Variants in THSD4 observed in about 807,000 individuals in gnomAD.
THSD4 encodes the protein thrombospondin type-1 domain-containing protein 4.
THSD4 carries 69 observed loss-of-function variants against 119.0 expected under a neutral mutation model. The observed-to-expected ratio is 0.58, with a 90% CI of 0.48 to 0.71. The LOEUF (loss-of-function observed/expected upper bound fraction) is 0.71, where lower values mean the gene tolerates loss of function less well. Among genes scored for constraint, THSD4 ranks in the 30% least tolerant of loss-of-function variants. THSD4 has a pLI of 0.00. For missense variants in THSD4, 1,393 were observed against 1,391.1 expected (o/e 1.00, Z -0.02); for synonymous variants, 524 against 540.4 (o/e 0.97, Z 0.42).
At chr15:71,543,945 T>C (rs1016637454) in intron 7 of THSD4, among the ~76,000 whole-genome samples, 2 of 152,170 alleles carry the variant, frequency 1.3e-5, no homozygotes, top group Non-Finnish European at 2.9e-5. Context: ...GGAGAATTGT[T>C]TGAACACAGG....
At chr15:71,188,169 A>G (rs976122976) in intron 3 of THSD4, among the ~76,000 whole-genome samples, 1 of 152,156 alleles carries the variant, frequency 6.6e-6, no homozygotes, top group Non-Finnish European at 1.5e-5. Context: ...TTGGAGGTAG[A>G]GGAGTTAGGT....
chr15:71,233,466 A>AT (rs1181093222), intron 4 of THSD4, among the ~76,000 whole-genome samples: 1 of 152,026 alleles, frequency 6.6e-6, no homozygotes, highest in Non-Finnish European at 1.5e-5. Flanking sequence ...TACTGTATAC[A>AT]TTTTTTCTTT....
chr15:71,454,077 C>G (rs2047303743), intron 7 of THSD4, among the ~76,000 whole-genome samples: 1 of 152,130 alleles, frequency 6.6e-6, no homozygotes. Flanking sequence ...GTCAACATGG[C>G]AAAACCCAAC....
chr15:71,482,896 A>G (rs2047755035), intron 7 of THSD4, among the ~76,000 whole-genome samples: 1 of 152,136 alleles, frequency 6.6e-6, no homozygotes, highest in East Asian at 1.9e-4. Context: ...CTGTACTGTA[A>G]CTTTTAATAG....
chr15:71,518,334 G>T (rs1050289299), intron 7 of THSD4, among the ~76,000 whole-genome samples: 7 of 151,890 alleles, frequency 4.6e-5, no homozygotes, highest in African/African-American at 1.7e-4. Flanking sequence ...GTTAAATATG[G>T]GATCCACTAT....
At chr15:71,536,865 T>C (rs1285127202) in intron 7 of THSD4, among the ~76,000 whole-genome samples, 2 of 151,934 alleles carry the variant, frequency 1.3e-5, no homozygotes, top group East Asian at 3.9e-4. Flanking sequence ...CCACTTATCC[T>C]GGCACCATTT....
At chr15:71,361,126 G>T (rs1429296208) in intron 6 of THSD4, among the ~76,000 whole-genome samples, 1 of 152,210 alleles carries the variant, frequency 6.6e-6, no homozygotes, top group Non-Finnish European at 1.5e-5. Flanking sequence ...GTAGAGCATG[G>T]AGGGCCCTGG....
chr15:71,746,770 C>A, intron 12 of THSD4, 68 bp from the exon 13 acceptor site: 3 of 1,499,110 alleles, frequency 2.0e-6, no homozygotes, highest in South Asian at 2.3e-5. Flanking sequence ...TACGCTGCTG[C>A]GGGCTCACGC....
chr15:71,675,574 C>A (rs1403438299), intron 8 of THSD4, among the ~76,000 whole-genome samples: 8 of 152,158 alleles, frequency 5.3e-5, no homozygotes, highest in Admixed American at 2.0e-4. Context: ...GCTCAGACAT[C>A]TTAGCCCCTC....
At chr15:71,716,561 G>GGTGTGT (rs57999390) in intron 8 of THSD4, among the ~76,000 whole-genome samples, 16 of 144,616 alleles carry the variant, frequency 1.1e-4, no homozygotes, top group South Asian at 2.2e-4. Flanking sequence ...TAGAGTGTGG[G>GGTGTGT]GTGTGTGTGT....
intron 3 of THSD4, among the ~76,000 whole-genome samples, chr15:71,193,867 C>T (rs146962446): frequency 3.3e-4 from 50 of 152,266 alleles, no homozygotes; most frequent in East Asian, 1.4e-3. Flanking sequence ...CCCGCCGCCA[C>T]GCCCAGCTAA....
intron 7 of THSD4, among the ~76,000 whole-genome samples, chr15:71,576,201 A>T (rs1396178539): frequency 6.6e-6 from 1 of 152,210 alleles, no homozygotes; most frequent in African/African-American, 2.4e-5. Context: ...TATAAAATCC[A>T]ATATTCTGAA....
chr15:71,137,831 T>C (rs2040565367), intron 1 of THSD4, among the ~76,000 whole-genome samples: 1 of 152,184 alleles, frequency 6.6e-6, no homozygotes, highest in Non-Finnish European at 1.5e-5. Context: ...TTGTAACAAT[T>C]TTTACATCAG....
chr15:71,299,970 A>ATATATAT (rs1183840842), intron 6 of THSD4, among the ~76,000 whole-genome samples: 1 of 76,044 alleles, frequency 1.3e-5, no homozygotes, highest in Non-Finnish European at 2.6e-5. Flanking sequence ...CAAAAAAAAA[A>ATATATAT]AAAAAAATAT....
intron 3 of THSD4, among the ~76,000 whole-genome samples, chr15:71,180,152 AC>A (rs1473212174): frequency 1.5e-4 from 9 of 61,146 alleles, no homozygotes; most frequent in South Asian, 1.1e-3. Context: ...TAAAAAAAAA[AC>A]ATTAAAAAAA....
chr15:71,351,243 T>C (rs2045740344), intron 6 of THSD4, among the ~76,000 whole-genome samples: 1 of 152,168 alleles, frequency 6.6e-6, no homozygotes, highest in Non-Finnish European at 1.5e-5. Context: ...TGCAAGCCTG[T>C]CTTTTATACA....
chr15:71,677,982 C>G (rs554110164), intron 8 of THSD4, among the ~76,000 whole-genome samples: 2 of 152,280 alleles, frequency 1.3e-5, no homozygotes, highest in East Asian at 3.9e-4. Context: ...ACATTGTCTC[C>G]TAGCCCACTC....
At chr15:71,641,007 ACAC>A (rs1228856323) in intron 7 of THSD4, among the ~76,000 whole-genome samples, 1 of 151,844 alleles carries the variant, frequency 6.6e-6, no homozygotes, top group African/African-American at 2.4e-5. Context: ...ACACACACAC[ACAC>A]ACACTTACAC....
intron 7 of THSD4, among the ~76,000 whole-genome samples, chr15:71,435,823 TC>T (rs1366648053): frequency 1.3e-5 from 2 of 152,158 alleles, no homozygotes; most frequent in African/African-American, 2.4e-5. Flanking sequence ...GATTAGACTT[TC>T]CCAGCACTAA....
Sources: gnomAD v4.1 joint callset for allele counts (sites outside exome capture counted in the v4.1 genomes callset) on GRCh38, gnomAD v4.1.1 for gene constraint, MANE v1.5 for transcripts, NCBI Gene and HGNC (gene_info 2026-07-23, HGNC 2026-07-21) for gene names.